The following SMARCA2 variants were observed in gnomAD, a reference collection of about 807,000 sequenced individuals.
The protein encoded by SMARCA2 is SWI/SNF-related matrix-associated actin-dependent regulator of chromatin subfamily A member 2.
Under a neutral mutation model 199.8 loss-of-function variants are expected in SMARCA2, and 61 were observed. The observed-to-expected ratio is 0.31, with a 90% CI of 0.25 to 0.38. The LOEUF (loss-of-function observed/expected upper bound fraction) is 0.38. Ranked by LOEUF, SMARCA2 falls within the 10% of genes least tolerant of loss-of-function variation. The pLI is 1.00. For missense variants in SMARCA2, 1,344 were observed against 2,012.2 expected (o/e 0.67, Z 6.35); for synonymous variants, 935 against 732.0 (o/e 1.28, Z -4.48).
At position 2,119,648 on chromosome 9, in the gene SMARCA2, G is replaced by GC; in HGVS notation, c.3762+115dup. ...GCAGAACTTCATACGTAAAGCCTAT[G>GC]CCTTTCCTTCAGTTCAGAGGCTGCA... On this transcript the variant is annotated intron_variant, in intron 26 of 33. Coordinates refer to ENST00000349721, the MANE Select transcript of SMARCA2 (RefSeq NM_003070.5). This position sits in a 1 kb window ranked among gnomAD's most constrained non-coding sequence, Gnocchi z 4.6. The GC allele has an allele frequency of 1.4e-6, 1 of 711,350 alleles. No homozygotes were observed. The highest frequency in any genetic ancestry group is 2.5e-6 in the Non-Finnish European group (1 of 404,338). The allele number at this position is 711,350 out of a possible 1,614,324, so 44.1% of individuals were successfully genotyped here. A position where few individuals can be genotyped will look rare whatever the true frequency, so the allele number is the denominator to read the frequency against.
At chr9:2,049,956 C>T (rs1820044405) in intron 5 of SMARCA2, among the ~76,000 whole-genome samples, 1 of 152,156 alleles carries the variant, frequency 6.6e-6, no homozygotes, top group Admixed American at 6.5e-5. Context: ...AACTTAGTTT[C>T]AGCAAAAATC....
chr9:2,040,267 G>T, intron 4 of SMARCA2: 1 of 418,104 alleles, frequency 2.4e-6, no homozygotes, highest in Non-Finnish European at 4.2e-6. Flanking sequence ...GCTCAGATCA[G>T]CCCCACTAGA....
intron 23 of SMARCA2, among the ~76,000 whole-genome samples, chr9:2,105,563 C>G (rs1822717859): frequency 1.3e-5 from 2 of 152,132 alleles, no homozygotes; most frequent in Admixed American, 6.5e-5. Context: ...ACCCCTTTAC[C>G]TCTCCCCTCC....
intron 4 of SMARCA2, chr9:2,041,208 A>G: frequency 2.5e-6 from 1 of 397,122 alleles, no homozygotes; most frequent in Non-Finnish European, 4.4e-6. Context: ...AGGCCTACCT[A>G]AGAGATATCC....
rs185483977 is a variant in SMARCA2, at chr9:2,074,187, A to T, written c.1935+564A>T. On this transcript the variant is annotated intron_variant, in intron 12 of 33. Coordinates refer to ENST00000349721, the MANE Select transcript of SMARCA2 (RefSeq NM_003070.5). ...AGAAGCGCTCAGTCTCTTGGAAGGA[A>T]TACTTAGTATAACTAGAACCTAAAA... 7.1e-4 allele frequency among the ~76,000 whole-genome samples: 108 copies of T among 152,326 alleles called. 1 individual carries two copies. Among genetic ancestry groups the T allele is most frequent in the Admixed American group, 1.6e-3 (24 of 15,300 alleles).
intron 29 of SMARCA2, among the ~76,000 whole-genome samples, chr9:2,180,157 A>T (rs1826917763): frequency 6.6e-6 from 1 of 152,158 alleles, no homozygotes; most frequent in Admixed American, 6.5e-5. Flanking sequence ...CAGAAATCCA[A>T]TTCCTGAGTA....
At chr9:2,047,596 G>T (rs1474259579) in intron 5 of SMARCA2, 112 bp downstream of exon 5, 1 of 1,165,124 alleles carries the variant, frequency 8.6e-7, no homozygotes, top group Non-Finnish European at 1.1e-6. Context: ...ATTTTCACCC[G>T]TGCGGTCGGA....
At chr9:2,139,421 G>A (rs1192313564) in intron 27 of SMARCA2, among the ~76,000 whole-genome samples, 2 of 152,280 alleles carry the variant, frequency 1.3e-5, no homozygotes, top group African/African-American at 2.4e-5. Context: ...CTCTGGGTTG[G>A]GGAGCCACAA....
chr9:2,140,037 G>A (rs938925347), intron 27 of SMARCA2, among the ~76,000 whole-genome samples: 2 of 152,196 alleles, frequency 1.3e-5, no homozygotes, highest in South Asian at 4.1e-4. Flanking sequence ...AACTATGTCA[G>A]ATTTCTCTTA....
intron 27 of SMARCA2, 103 bp downstream of exon 27, chr9:2,124,040 G>C (rs1003098451): frequency 1.2e-6 from 1 of 848,220 alleles, no homozygotes; most frequent in Admixed American, 2.0e-5. Flanking sequence ...GGTTGAGTTC[G>C]CAATCAAAGG....
chr9:2,182,478 C>A (rs1255002000), intron 31 of SMARCA2, among the ~76,000 whole-genome samples: 1 of 96,712 alleles, frequency 1.0e-5, no homozygotes, highest in Non-Finnish European at 2.0e-5. Context: ...AGCTTATAGT[C>A]TTTTTTTTTT....
intron 1 of SMARCA2, among the ~76,000 whole-genome samples, chr9:2,027,378 G>C (rs577123281): frequency 6.6e-6 from 1 of 152,128 alleles, no homozygotes; most frequent in Non-Finnish European, 1.5e-5. Flanking sequence ...GGAGTTTGAG[G>C]CTTCAGTGAG....
chr9:2,180,901 G>T (rs1826975558), intron 29 of SMARCA2, among the ~76,000 whole-genome samples: 1 of 152,146 alleles, frequency 6.6e-6, no homozygotes, highest in African/African-American at 2.4e-5. Flanking sequence ...TTAAGCTTGT[G>T]AAACATGTTC....
At chr9:2,128,749 G>C (rs1027966320) in intron 27 of SMARCA2, among the ~76,000 whole-genome samples, 1 of 152,246 alleles carries the variant, frequency 6.6e-6, no homozygotes, top group Admixed American at 6.5e-5. Context: ...AGCTTCATTA[G>C]CTTTCCAATA....
At chr9:2,176,713 T>C (rs1826631042) in intron 29 of SMARCA2, among the ~76,000 whole-genome samples, 1 of 125,946 alleles carries the variant, frequency 7.9e-6, no homozygotes, top group Non-Finnish European at 1.7e-5. Context: ...CCACCACGCC[T>C]GGCTAAGTTT....
chr9:2,133,659 A>G, intron 27 of SMARCA2, among the ~76,000 whole-genome samples: 1 of 152,006 alleles, frequency 6.6e-6, no homozygotes. Flanking sequence ...AAAAAAAAAA[A>G]AAGTCTACAT....
intron 33 of SMARCA2, 45 bp from the exon 34 acceptor site, chr9:2,192,659 T>G (rs773262547): frequency 1.6e-5 from 21 of 1,341,076 alleles, no homozygotes; most frequent in Middle Eastern, 1.8e-4. Flanking sequence ...TTCTTTTTCT[T>G]GCATGTGATG....
chr9:2,068,448 A>G (rs1404000189), intron 9 of SMARCA2, among the ~76,000 whole-genome samples: 1 of 152,194 alleles, frequency 6.6e-6, no homozygotes, highest in African/African-American at 2.4e-5. Context: ...TTGTAAAGGA[A>G]CTTCAGAAAT....
intron 27 of SMARCA2, among the ~76,000 whole-genome samples, chr9:2,151,574 A>T (rs1188466722): frequency 2.6e-5 from 4 of 151,992 alleles, no homozygotes; most frequent in Admixed American, 1.3e-4. Flanking sequence ...TTTACTAAAA[A>T]TACAAAAAAA....
Sources: allele counts gnomAD v4.1 joint callset (sites outside exome capture counted in the v4.1 genomes callset), GRCh38; gene constraint gnomAD v4.1.1; non-coding constraint Gnocchi (gnomAD v3.1); transcripts MANE v1.5; gene names NCBI Gene and HGNC (gene_info 2026-07-23, HGNC 2026-07-21).